ADAMTS16: variants seen among roughly 807,000 people sequenced by gnomAD.
ADAMTS16 encodes the protein A disintegrin and metalloproteinase with thrombospondin motifs 16.
A neutral mutation model predicts 145.8 loss-of-function variants in ADAMTS16; 94 were observed. That is an observed-to-expected ratio of 0.64 (90% CI 0.55 to 0.77). The LOEUF is 0.77. Among genes scored for constraint, ADAMTS16 ranks in the 30% least tolerant of loss-of-function variants. The pLI is 0.00. For missense variants in ADAMTS16, 1,585 were observed against 1,591.5 expected (o/e 1.00, Z 0.07); for synonymous variants, 659 against 604.3 (o/e 1.09, Z -1.33).
intron 12 of ADAMTS16, among the ~76,000 whole-genome samples, chr5:5,233,293 C>G (rs953699834): frequency 6.6e-6 from 1 of 152,204 alleles, no homozygotes; most frequent in Non-Finnish European, 1.5e-5. Flanking sequence ...ATGTGAGAAG[C>G]ATCACCAGTG....
Position 5,242,168 on chromosome 5 carries a change from A to T in ADAMTS16, c.2639A>T (p.Glu880Val), listed in dbSNP as rs1396733892. 6.2e-7 allele frequency: 1 copy of T among 1,613,918 alleles called. No individual in the cohort carries two copies. The highest frequency in any genetic ancestry group is 8.5e-7 in the Non-Finnish European group (1 of 1,180,010). ...PSYTWAIVRS[E>V]CSVSCGGGQM... Reference sequence around the variant, plus strand: ...TACACTTGGGCCATCGTGCGCTCTGAGTGCTCCGTGTCCTGCGGAGGGGGT... The same window carrying T: ...TACACTTGGGCCATCGTGCGCTCTGTGTGCTCCGTGTCCTGCGGAGGGGGT... Residue 880 changes from glutamate to valine, a missense_variant, in exon 17 of 23, where the codon GAG becomes GTG. This residue lies in a region of ADAMTS16 where 834 missense variants were observed against 811.7 expected (regional missense o/e 1.03). Coordinates refer to ENST00000274181, the MANE Select transcript of ADAMTS16 (RefSeq NM_139056.4).
At chr5:5,170,929 T>G (rs2126542121) in intron 3 of ADAMTS16, among the ~76,000 whole-genome samples, 1 of 152,306 alleles carries the variant, frequency 6.6e-6, no homozygotes, top group South Asian at 2.1e-4. Context: ...TCAATAAAAC[T>G]TTGCCCATTC....
intron 21 of ADAMTS16, among the ~76,000 whole-genome samples, chr5:5,316,565 C>T (rs377176334): frequency 5.9e-5 from 9 of 152,164 alleles, no homozygotes; most frequent in African/African-American, 2.2e-4. Flanking sequence ...ATGGGTCCTG[C>T]TCATGTTCTG....
intron 3 of ADAMTS16, among the ~76,000 whole-genome samples, chr5:5,167,339 G>A (rs769500110): frequency 2.2e-4 from 33 of 152,150 alleles, no homozygotes; most frequent in Admixed American, 7.2e-4. Context: ...TTTGTTCCAC[G>A]GTATGGAATG....
At chr5:5,225,571 C>G (rs1736736356) in intron 11 of ADAMTS16, among the ~76,000 whole-genome samples, 1 of 150,954 alleles carries the variant, frequency 6.6e-6, no homozygotes, top group African/African-American at 2.4e-5. Flanking sequence ...CACTGCAATC[C>G]AGCCTGGGCA....
chr5:5,147,365 A>T (rs190538068), intron 3 of ADAMTS16, among the ~76,000 whole-genome samples: 1 of 152,284 alleles, frequency 6.6e-6, no homozygotes, highest in East Asian at 1.9e-4. Context: ...AAAAGCTTTC[A>T]GTGTGTCTTA....
Position 5,303,452 on chromosome 5 carries a change from G to A in ADAMTS16, c.2974G>A (p.Ala992Thr), listed in dbSNP as rs751536987. Residue 992 changes from alanine to threonine, a missense_variant, in exon 19 of 23, where the codon GCC becomes ACC. Physicochemically the swap from Ala to Thr is moderately conservative, Grantham distance 58. This residue lies in a region of ADAMTS16 where 834 missense variants were observed against 811.7 expected (regional missense o/e 1.03). Transcript: ENST00000274181. Reference protein sequence around the residue: ...NSQSCPPAWSAGPWAECSHTC... With the variant: ...NSQSCPPAWSTGPWAECSHTC... ...TCAGAGCTGCCCACCTGCATGGAGC[G>A]CCGGGCCCTGGGCAGAGGTAACCAG... is the stretch of plus-strand genomic sequence containing the variant. 2.4e-5 allele frequency: 39 copies of A among 1,610,550 alleles called. No individual in the cohort carries two copies. The highest frequency in any genetic ancestry group is 1.6e-4 in the Middle Eastern group (1 of 6,062).
chr5:5,224,315 A>G (rs1391037832), intron 11 of ADAMTS16, among the ~76,000 whole-genome samples: 1 of 31,178 alleles, frequency 3.2e-5, no homozygotes, highest in African/African-American at 4.2e-4. Flanking sequence ...TTTGAGACAG[A>G]GTCTTGCTCT....
At chr5:5,216,231 C>T (rs1452972979) in intron 10 of ADAMTS16, among the ~76,000 whole-genome samples, 2 of 152,068 alleles carry the variant, frequency 1.3e-5, no homozygotes, top group Admixed American at 1.3e-4. Flanking sequence ...TTAGTTATGG[C>T]CATTCTTGCA....
intron 3 of ADAMTS16, chr5:5,176,020 C>CT (rs1169601344): frequency 6.6e-6 from 1 of 152,190 alleles, no homozygotes; most frequent in Admixed American, 6.5e-5. Context: ...CATGAAGGTA[C>CT]TTTTTTGTGT....
chr5:5,187,759 G>A lies in ADAMTS16; in HGVS notation c.998G>A (p.Gly333Glu), dbSNP rs1313374860. Residue 333 changes from glycine (G) to glutamate (E), a missense_variant, in exon 6 of 23, where the codon GGA (glycine) becomes GAA (glutamate). Coordinates refer to ENST00000274181, the MANE Select transcript of ADAMTS16 (RefSeq NM_139056.4). The part of the protein sequence containing the change: ...SALFKDGTIG[G>E]NINIAIVGLI... ...TTATTCAAAGATGGAACAATAGGAG[G>A]AAACATCAACATTGCAATTGTAGGT... 7 of 1,612,782 alleles carry A rather than the reference G, an allele frequency of 4.3e-6. No homozygotes were observed. Among genetic ancestry groups the A allele is most frequent in the Non-Finnish European group, 5.9e-6 (7 of 1,178,970 alleles).
chr5:5,192,963 A>G (rs922634662), intron 8 of ADAMTS16, among the ~76,000 whole-genome samples: 1 of 152,218 alleles, frequency 6.6e-6, no homozygotes, highest in African/African-American at 2.4e-5. Flanking sequence ...ACAATACTTG[A>G]AATTTCTCCT....
intron 9 of ADAMTS16, among the ~76,000 whole-genome samples, chr5:5,202,059 T>G (rs1336351759): frequency 6.6e-6 from 1 of 152,212 alleles, no homozygotes; most frequent in Non-Finnish European, 1.5e-5. Flanking sequence ...TACTCCAGTG[T>G]ACTTTCTGGT....
At chr5:5,300,541 T>C (rs115250486) in intron 18 of ADAMTS16, among the ~76,000 whole-genome samples, 388 of 152,332 alleles carry the variant, frequency 2.5e-3, no homozygotes, top group African/African-American at 9.1e-3. Context: ...AAAATATAAT[T>C]GAATCTTTTC....
chr5:5,300,473 C>T (rs1416925851), intron 18 of ADAMTS16, among the ~76,000 whole-genome samples: 2 of 152,140 alleles, frequency 1.3e-5, no homozygotes, highest in Non-Finnish European at 2.9e-5. Context: ...ACAACCCTGA[C>T]ATGTGTATTT....
chr5:5,172,770 G>A (rs988584560), intron 3 of ADAMTS16, among the ~76,000 whole-genome samples: 1 of 152,122 alleles, frequency 6.6e-6, no homozygotes, highest in Non-Finnish European at 1.5e-5. Context: ...AGTCTATAAT[G>A]CAGATTAATT....
At chr5:5,278,939 G>A (rs973494110) in intron 18 of ADAMTS16, among the ~76,000 whole-genome samples, 1 of 152,122 alleles carries the variant, frequency 6.6e-6, no homozygotes, top group Non-Finnish European at 1.5e-5. Flanking sequence ...AAAACAAAAC[G>A]AAGGGAGAAA....
intron 18 of ADAMTS16, among the ~76,000 whole-genome samples, chr5:5,302,197 T>G (rs1230400616): frequency 1.3e-5 from 2 of 152,206 alleles, no homozygotes; most frequent in African/African-American, 4.8e-5. Flanking sequence ...CACAGTGTCT[T>G]GATCAAAGGT....
chr5:5,239,611 G>T, intron 15 of ADAMTS16, 70 bp from the exon 16 acceptor site: 1 of 1,586,076 alleles, frequency 6.3e-7, no homozygotes, highest in Non-Finnish European at 8.6e-7. Context: ...CCGAGGACTG[G>T]GGTTGCTTAG....
Sources: allele counts gnomAD v4.1 joint callset (sites outside exome capture counted in the v4.1 genomes callset), GRCh38; gene constraint gnomAD v4.1.1; regional missense constraint gnomAD v4.1.1; transcripts MANE v1.5; gene names NCBI Gene and HGNC (gene_info 2026-07-23, HGNC 2026-07-21).